Variants in BAHCC1 observed in about 807,000 individuals in gnomAD.
BAHCC1 encodes BAH domain and coiled-coil containing 1.
In BAHCC1, 43 loss-of-function variants were observed where a neutral mutation model predicts 88.2. The observed-to-expected ratio is 0.49, with a 90% CI of 0.38 to 0.63. The LOEUF (loss-of-function observed/expected upper bound fraction) is 0.63. Ranked by LOEUF, BAHCC1 falls within the 20% of genes least tolerant of loss-of-function variation. The pLI, the probability that BAHCC1 is intolerant of heterozygous loss-of-function variation, is 0.00. For missense variants in BAHCC1, 3,023 were observed against 1,654.8 expected (o/e 1.83, Z -14.34); for synonymous variants, 1,510 against 745.5 (o/e 2.03, Z -16.71).
At chr17:81,453,631 C>T (rs989305043) in intron 14 of BAHCC1, among the ~76,000 whole-genome samples, 154 of 151,886 alleles carry the variant, frequency 1.0e-3, no homozygotes, top group African/African-American at 3.6e-3. Context: ...CAGGTGTCTC[C>T]TGGGGGGGGG....
At position 81,411,518 on chromosome 17, in the gene BAHCC1, T is replaced by C. The variant is rs4998275; in HGVS notation, c.178+11601T>C. ...TGCCTGCCTGCCTGCCTGCCTGCCT[T>C]CCTTCCTTCCTTCCTTCCTTCCTTC... On this transcript the variant is annotated intron_variant, in intron 2 of 27. Coordinates refer to ENST00000675386, the MANE Select transcript of BAHCC1 (RefSeq NM_001377448.1). This position sits in a 1 kb window ranked among gnomAD's most constrained non-coding sequence, Gnocchi z 6.2. The C allele has an allele frequency of 4.4e-5, 4 of 91,210 alleles. No individual in the cohort carries two copies. The highest frequency in any genetic ancestry group is 2.5e-4 in the South Asian group (4 of 15,736). 5.7% of individuals were successfully genotyped at this position (91,210 alleles called of 1,614,324 possible). A position where few individuals can be genotyped will look rare whatever the true frequency, so the allele number is the denominator to read the frequency against.
Position 81,456,623 on chromosome 17 carries a change from C to G in BAHCC1, c.4858+38C>G, listed in dbSNP as rs541669487. 934 of 674,260 alleles carry G rather than the reference C, an allele frequency of 1.4e-3. 15 individuals are homozygous for G. The South Asian group carries it at 0.014, about 10-fold the overall frequency. The allele number at this position is 674,260 out of a possible 1,614,324, so 41.8% of individuals were successfully genotyped here. A position where few individuals can be genotyped will look rare whatever the true frequency, so the allele number is the denominator to read the frequency against. On this transcript the variant is annotated intron_variant, in intron 16 of 27. Coordinates refer to ENST00000675386, the MANE Select transcript of BAHCC1 (RefSeq NM_001377448.1). ...CGTGAGTGGCCACTGCCAGGAGCCC[C>G]GGTCATGGTCGCTCGGGGGCTGGAG... is the stretch of plus-strand genomic sequence containing the variant.
chr17:81,460,182 C>A (rs1555658686), intron 23 of BAHCC1, 95 bp from the exon 24 acceptor site: 1 of 676,904 alleles, frequency 1.5e-6, no homozygotes, highest in Non-Finnish European at 2.7e-6. Flanking sequence ...CCAGAGCCCT[C>A]CCCTCACCCT....
chr17:81,450,085 C>T (rs182660025), intron 11 of BAHCC1, among the ~76,000 whole-genome samples: 5 of 152,136 alleles, frequency 3.3e-5, no homozygotes, highest in African/African-American at 4.8e-5. Flanking sequence ...TTAAGTGGAG[C>T]GTGGGGTTCT....
At chr17:81,448,872 G>A (rs1007318036) in intron 11 of BAHCC1, among the ~76,000 whole-genome samples, 2 of 150,978 alleles carry the variant, frequency 1.3e-5, no homozygotes, top group African/African-American at 4.8e-5. Flanking sequence ...GGCTCCACCT[G>A]GACCCCCCAG....
At position 81,409,539 on chromosome 17, in the gene BAHCC1, C is replaced by T. The variant is rs186952129; in HGVS notation, c.178+9622C>T. On this transcript the variant is annotated intron_variant, in intron 2 of 27. Transcript: ENST00000675386. ...CCTGGCTGGGGCTGTGAGGCGACTC[C>T]CTGATTGTCCACGCGGGGTCGCGGG... 3.4e-3 allele frequency among the ~76,000 whole-genome samples: 511 copies of T among 152,314 alleles called. 3 individuals are homozygous for T. Among genetic ancestry groups the T allele is most frequent in the Admixed American group, 0.015 (224 of 15,310 alleles).
At position 81,451,586 on chromosome 17, in the gene BAHCC1, G is replaced by A. The variant is rs2064635160; in HGVS notation, c.3977-82G>A. 18 of 651,704 alleles carry A rather than the reference G, an allele frequency of 2.8e-5. No individual in the cohort carries two copies. In the South Asian group the frequency reaches 3.1e-4, roughly 11 times the overall value. 40.4% of individuals were successfully genotyped at this position (651,704 alleles called of 1,614,324 possible). A position where few individuals can be genotyped will look rare whatever the true frequency, so the allele number is the denominator to read the frequency against. The stretch of plus-strand genomic sequence containing the variant: ...CGGTCTTCAAGGCTGGGTGGCTTCA[G>A]GGGGCCAGGGCTGACATCAAGAGCC... On this transcript the variant is annotated intron_variant, in intron 11 of 27. Transcript: ENST00000675386.
intron 3 of BAHCC1, among the ~76,000 whole-genome samples, chr17:81,433,869 A>G (rs112312185): frequency 0.01 from 1,587 of 152,334 alleles, 38 homozygotes; most frequent in African/African-American, 0.036. Flanking sequence ...GTCATCGGGT[A>G]GACCCGTGCA....
intron 23 of BAHCC1, 103 bp downstream of exon 23, chr17:81,459,707 C>T (rs2030072312): frequency 1.4e-6 from 1 of 714,054 alleles, no homozygotes; most frequent in Non-Finnish European, 2.6e-6. Flanking sequence ...AGGGCAGAAC[C>T]AGCTCTCTGC....
intron 2 of BAHCC1, chr17:81,407,384 A>G (rs2063894546): frequency 1.9e-6 from 1 of 519,970 alleles, no homozygotes; most frequent in South Asian, 1.4e-5. Context: ...GTCGGGTCTC[A>G]GTGCGACTCC....
At position 81,430,499 on chromosome 17, in the gene BAHCC1, C is replaced by T. The variant is rs1453378775; in HGVS notation, c.358+3520C>T. On this transcript the variant is annotated intron_variant, in intron 3 of 27. Coordinates refer to ENST00000675386, the MANE Select transcript of BAHCC1 (RefSeq NM_001377448.1). ...CCTGGGGGTCCGGGGCTACGCATGC[C>T]GAGCACTCCCTGCCAACGGAGCCCC... Among the ~76,000 whole-genome samples, 15 of 152,314 alleles carry T rather than the reference C, an allele frequency of 9.8e-5. No individual in the cohort carries two copies. In the East Asian group the frequency reaches 2.3e-3, roughly 24 times the overall value.
At chr17:81,455,236 C>T in intron 14 of BAHCC1, 31 bp from the exon 15 acceptor site, 1 of 708,998 alleles carries the variant, frequency 1.4e-6, no homozygotes, top group Non-Finnish European at 2.6e-6. Flanking sequence ...GGGCCTGCAT[C>T]TGCCCTGCAC....
Position 81,456,554 on chromosome 17 carries a change from C to A in BAHCC1, c.4827C>A (p.Ala1609=), listed in dbSNP as rs782438520. The A allele has an allele frequency of 1.1e-5, 8 of 711,764 alleles. 1 individual carries two copies. The highest frequency in any genetic ancestry group is 7.5e-5 in the South Asian group (5 of 66,896). The allele number at this position is 711,764 out of a possible 1,614,324, so 44.1% of individuals were successfully genotyped here. A position where few individuals can be genotyped will look rare whatever the true frequency, so the allele number is the denominator to read the frequency against. The change falls in exon 16 of 28, where the codon GCC becomes GCA. Residue 1609 remains alanine, a synonymous_variant. Coordinates refer to ENST00000675386, the MANE Select transcript of BAHCC1 (RefSeq NM_001377448.1). ...HGSRETPRCP[A]QPSVAASQEA... ...GCCGGGAGACACCCAGGTGCCCAGC[C>A]CAGCCCTCCGTGGCTGCGTCCCAGG...
intron 1 of BAHCC1, chr17:81,396,955 T>A (rs1555644990): frequency 2.0e-5 from 3 of 152,388 alleles, no homozygotes. Flanking sequence ...GCGCGGCCTC[T>A]CCTGGAGCTG....
At chr17:81,414,226 G>A (rs1421144583) in intron 2 of BAHCC1, among the ~76,000 whole-genome samples, 3 of 152,242 alleles carry the variant, frequency 2.0e-5, no homozygotes, top group South Asian at 2.1e-4. Context: ...CTGGGGCAGG[G>A]GCAACGGTGT....
chr17:81,446,196 G>A (rs918416699), intron 10 of BAHCC1, among the ~76,000 whole-genome samples: 12 of 152,172 alleles, frequency 7.9e-5, no homozygotes, highest in Admixed American at 2.6e-4. Context: ...ACTGGAAACC[G>A]TGTGGCGAAC....
At chr17:81,452,984 C>T (rs1252212080) in intron 14 of BAHCC1, 133 bp downstream of exon 14, 4 of 577,796 alleles carry the variant, frequency 6.9e-6, no homozygotes, top group Non-Finnish European at 9.1e-6. Flanking sequence ...GAAGGCCTGG[C>T]CCTGCCCTTC....
Position 81,456,599 on chromosome 17 carries a change from G to A in BAHCC1, c.4858+14G>A, listed in dbSNP as rs782636583. On this transcript the variant is annotated intron_variant, in intron 16 of 27. Coordinates refer to ENST00000675386, the MANE Select transcript of BAHCC1 (RefSeq NM_001377448.1). ...CCCAGGAGGCAGGCAAGTTGCTGGC[G>A]TGAGTGGCCACTGCCAGGAGCCCCG... 6.7e-5 allele frequency: 46 copies of A among 691,140 alleles called. 1 individual carries two copies. The highest frequency in any genetic ancestry group is 3.3e-4 in the South Asian group (21 of 64,164). 42.8% of individuals were successfully genotyped at this position (691,140 alleles called of 1,614,324 possible). A position where few individuals can be genotyped will look rare whatever the true frequency, so the allele number is the denominator to read the frequency against.
At chr17:81,420,518 G>A (rs2064103833) in intron 2 of BAHCC1, among the ~76,000 whole-genome samples, 1 of 152,254 alleles carries the variant, frequency 6.6e-6, no homozygotes, top group Admixed American at 6.5e-5. Context: ...GCCTCCCAGG[G>A]ATGGGGCTGT....
Sources: gnomAD v4.1 joint callset for allele counts (sites outside exome capture counted in the v4.1 genomes callset) on GRCh38, gnomAD v4.1.1 for gene constraint, Gnocchi (gnomAD v3.1) non-coding constraint, MANE v1.5 for transcripts, NCBI Gene and HGNC (gene_info 2026-07-23, HGNC 2026-07-21) for gene names.